Variants in ACACA observed in about 807,000 individuals in gnomAD.
ACACA encodes acetyl-CoA carboxylase 1.
Under a neutral mutation model 296.1 loss-of-function variants are expected in ACACA, and 103 were observed. The ratio of observed to expected loss-of-function variants is 0.35; its 90% CI spans 0.30 to 0.41. ACACA has a LOEUF of 0.41. Ranked by LOEUF, ACACA falls within the 10% of genes least tolerant of loss-of-function variation. The probability of loss-of-function intolerance (pLI) is 1.00; values close to 1 mark genes in which losing one functional copy is unlikely to be tolerated. For synonymous variants in ACACA, 953 were observed against 1,038.6 expected (o/e 0.92, Z 1.58); for missense variants, 1,554 against 2,989.7 (o/e 0.52, Z 11.20).
intron 47 of ACACA, 69 bp downstream of exon 47, chr17:37,129,296 G>A: frequency 1.9e-6 from 3 of 1,587,232 alleles, no homozygotes; most frequent in Non-Finnish European, 2.6e-6. Flanking sequence ...TCAGGAATTG[G>A]ATAGTGATTG....
intron 9 of ACACA, among the ~76,000 whole-genome samples, chr17:37,271,866 G>A (rs1014613287): frequency 1.3e-5 from 2 of 152,002 alleles, no homozygotes; most frequent in Admixed American, 6.6e-5. Context: ...CAGCTACTCG[G>A]GAGGCTGCGG....
At chr17:37,165,265 T>C (rs1187373424) in intron 41 of ACACA, among the ~76,000 whole-genome samples, 1 of 152,124 alleles carries the variant, frequency 6.6e-6, no homozygotes, top group Non-Finnish European at 1.5e-5. Flanking sequence ...TTATTCAATT[T>C]ACATTAAAAT....
chr17:37,114,801 G>T (rs1465168833), intron 50 of ACACA, among the ~76,000 whole-genome samples: 1 of 152,174 alleles, frequency 6.6e-6, no homozygotes, highest in Non-Finnish European at 1.5e-5. Context: ...GTTCAACTGA[G>T]ATCAAACTTT....
intron 35 of ACACA, among the ~76,000 whole-genome samples, chr17:37,195,900 A>C (rs539069977): frequency 1.3e-5 from 2 of 152,172 alleles, no homozygotes; most frequent in Admixed American, 6.5e-5. Flanking sequence ...ATCATAATTG[A>C]ATGTACACAA....
intron 24 of ACACA, among the ~76,000 whole-genome samples, chr17:37,239,152 T>C (rs913052814): frequency 6.6e-6 from 1 of 152,150 alleles, no homozygotes; most frequent in Non-Finnish European, 1.5e-5. Flanking sequence ...TTTTTTTTCC[T>C]GAACTGCTTT....
Position 37,124,878 on chromosome 17 carries a change from A to T in ACACA, c.6041+820T>A, listed in dbSNP as rs148682051. 4.3e-3 allele frequency among the ~76,000 whole-genome samples: 660 copies of T among 152,288 alleles called. 4 individuals carry two copies. The highest frequency in any genetic ancestry group is 0.015 in the African/African-American group (610 of 41,566). On this transcript the variant is annotated intron_variant, in intron 48 of 55. Transcript: ENST00000616317. ...GCCTAGAATTATTTTCAAGGCTAGA[A>T]TCTAAATCTCAACCCAATGTGGCAT...
chr17:37,400,740 CTGTGTGTGTG>C (rs71135716), intron 1 of ACACA, among the ~76,000 whole-genome samples: 3 of 147,460 alleles, frequency 2.0e-5, no homozygotes, highest in African/African-American at 7.7e-5. Flanking sequence ...GTGTGTGTGT[CTGTGTGTGTG>C]TGTGTGTGTG....
intron 9 of ACACA, 64 bp downstream of exon 9, chr17:37,274,129 T>C: frequency 7.2e-7 from 1 of 1,391,950 alleles, no homozygotes; most frequent in Non-Finnish European, 1.0e-6. Flanking sequence ...AGGCTCCCAA[T>C]CTCCACATTT....
At chr17:37,119,895 C>CTTTT (rs36029062) in intron 50 of ACACA, among the ~76,000 whole-genome samples, 5 of 134,410 alleles carry the variant, frequency 3.7e-5, no homozygotes, top group Non-Finnish European at 3.1e-5. Flanking sequence ...TTCTTTCTTT[C>CTTTT]TTTTTTTTTT....
intron 28 of ACACA, 118 bp from the exon 29 acceptor site, chr17:37,221,960 G>C (rs1340671086): frequency 2.4e-6 from 2 of 818,866 alleles, no homozygotes; most frequent in African/African-American, 3.4e-5. Context: ...GGGGAGAGAA[G>C]TCCCAAGGCC....
At chr17:37,321,524 C>T (rs933331625) in intron 3 of ACACA, among the ~76,000 whole-genome samples, 5 of 151,698 alleles carry the variant, frequency 3.3e-5, no homozygotes, top group Non-Finnish European at 7.4e-5. Flanking sequence ...CTGAGGCGGG[C>T]GGATCATGAG....
chr17:37,134,629 TC>T (rs2075256059), intron 45 of ACACA, among the ~76,000 whole-genome samples: 1 of 152,194 alleles, frequency 6.6e-6, no homozygotes, highest in Non-Finnish European at 1.5e-5. Context: ...TTCCTTCTCT[TC>T]CTCTTTATTC....
At chr17:37,277,339 T>C (rs1035009595) in intron 6 of ACACA, among the ~76,000 whole-genome samples, 3 of 152,252 alleles carry the variant, frequency 2.0e-5, no homozygotes, top group Admixed American at 1.3e-4. Context: ...CAAGTTGAAA[T>C]TGATATTAAG....
intron 3 of ACACA, among the ~76,000 whole-genome samples, chr17:37,301,547 C>T (rs1459776402): frequency 2.0e-5 from 3 of 152,184 alleles, no homozygotes; most frequent in Non-Finnish European, 1.5e-5. Flanking sequence ...GACTGTTTTA[C>T]ATTGGGTTTT....
chr17:37,141,013 A>G (rs1378436440), intron 45 of ACACA: 2 of 407,446 alleles, frequency 4.9e-6, no homozygotes, highest in Non-Finnish European at 9.4e-6. Context: ...CTTGGCCAGG[A>G]TGATGGCCCC....
At chr17:37,391,789 C>A in intron 1 of ACACA, 1 of 1,368,232 alleles carries the variant, frequency 7.3e-7, no homozygotes. Context: ...AATATGGGCA[C>A]ATTCTTGCCA....
Position 37,129,469 on chromosome 17 carries a change from A to G in ACACA, c.5840T>C (p.Val1947Ala), listed in dbSNP as rs774737349. 22 of 1,613,962 alleles carry G rather than the reference A, an allele frequency of 1.4e-5. No individual in the cohort carries two copies. The African/African-American group carries it at 2.7e-4, about 20-fold the overall frequency. The change falls in exon 47 of 56, where the codon GTT (valine) becomes GCT (alanine). Residue 1947 changes from valine (V) to alanine (A), a missense_variant. Around this residue, in one of 16 missense-constraint regions of ACACA, gnomAD observed 553 missense variants for 1,043.6 expected, o/e 0.53. Coordinates refer to ENST00000616317, the MANE Select transcript of ACACA (RefSeq NM_198834.3). ...AGGATCCTTTGAGTTCAGAAGAGGAACTGAACTGTGCACGCTCTAAAAGGA... is the reference window on the plus strand; with the variant it reads ...AGGATCCTTTGAGTTCAGAAGAGGAGCTGAACTGTGCACGCTCTAAAAGGA... ...SYMPKSVHSS[V>A]PLLNSKDPID...
At chr17:37,184,576 A>T (rs984687016) in intron 39 of ACACA, among the ~76,000 whole-genome samples, 1 of 152,182 alleles carries the variant, frequency 6.6e-6, no homozygotes, top group African/African-American at 2.4e-5. Context: ...GGGGCTGGGC[A>T]TGGCAGCTTA....
At chr17:37,329,802 A>G (rs1011352381) in intron 3 of ACACA, among the ~76,000 whole-genome samples, 138 of 151,786 alleles carry the variant, frequency 9.1e-4, no homozygotes, top group African/African-American at 3.2e-3. Flanking sequence ...TTAGCTGGGC[A>G]TGGTGGCAGG....
Sources: gnomAD v4.1 joint callset for allele counts (sites outside exome capture counted in the v4.1 genomes callset) on GRCh38, gnomAD v4.1.1 for gene constraint, gnomAD v4.1.1 regional missense constraint, MANE v1.5 for transcripts, NCBI Gene and HGNC (gene_info 2026-07-23, HGNC 2026-07-21) for gene names.